The following IL1RAPL1 variants were observed in gnomAD, a reference collection of about 807,000 sequenced individuals.
IL1RAPL1 encodes the protein interleukin-1 receptor accessory protein-like 1.
Under a neutral mutation model 48.4 loss-of-function variants are expected in IL1RAPL1, and 3 were observed. The ratio of observed to expected loss-of-function variants is 0.06; its 90% CI spans 0.03 to 0.16. The LOEUF (loss-of-function observed/expected upper bound fraction) is 0.16. Ranked by LOEUF, IL1RAPL1 falls within the 10% of genes least tolerant of loss-of-function variation. The pLI is 1.00. For synonymous variants in IL1RAPL1, 185 were observed against 187.7 expected (o/e 0.99, Z 0.12); for missense variants, 349 against 530.6 (o/e 0.66, Z 3.36).
At chrX:29,044,008 A>T (rs992523719) in intron 2 of IL1RAPL1, among the ~76,000 whole-genome samples, 10 of 112,118 alleles carry the variant, frequency 8.9e-5, no homozygotes, top group African/African-American at 3.2e-4. Context: ...GGTTATAGCA[A>T]TGCAAGGCTG....
At chrX:29,100,002 A>G (rs1928299683) in intron 2 of IL1RAPL1, among the ~76,000 whole-genome samples, 2 of 110,671 alleles carry the variant, frequency 1.8e-5, no homozygotes, top group East Asian at 5.7e-4. Context: ...TCATGAGGTC[A>G]GGAGATCAAG....
chrX:28,932,387 T>A (rs1923907914), intron 2 of IL1RAPL1, among the ~76,000 whole-genome samples: 1 of 112,019 alleles, frequency 8.9e-6, no homozygotes, highest in African/African-American at 3.2e-5. Context: ...CTCATTATTT[T>A]CTTACAATGT....
intron 3 of IL1RAPL1, among the ~76,000 whole-genome samples, chrX:29,364,579 A>G (rs1018036811): frequency 9.2e-5 from 10 of 108,833 alleles, no homozygotes; most frequent in East Asian, 5.7e-4. Context: ...AAAAAAAAAA[A>G]AAAAGAAAAA....
chrX:28,743,356 T>A (rs913731763), intron 1 of IL1RAPL1, among the ~76,000 whole-genome samples: 1 of 111,969 alleles, frequency 8.9e-6, no homozygotes, highest in Non-Finnish European at 1.9e-5. Context: ...CATGTAATCT[T>A]TAAAATGACT....
intron 2 of IL1RAPL1, among the ~76,000 whole-genome samples, chrX:28,879,666 A>G (rs1922458425): frequency 8.9e-6 from 1 of 112,010 alleles, no homozygotes; most frequent in Non-Finnish European, 1.9e-5. Context: ...TCAGAGAAAA[A>G]AGTCATCTTT....
At chrX:28,944,583 G>T (rs948467280) in intron 2 of IL1RAPL1, among the ~76,000 whole-genome samples, 1 of 110,358 alleles carries the variant, frequency 9.1e-6, no homozygotes, top group Non-Finnish European at 1.9e-5. Context: ...CTTGGATTTT[G>T]TTCTGTTCAC....
At chrX:29,684,476 G>A (rs1426252356) in intron 6 of IL1RAPL1, among the ~76,000 whole-genome samples, 1 of 110,907 alleles carries the variant, frequency 9.0e-6, no homozygotes, top group Non-Finnish European at 1.9e-5. Flanking sequence ...ATTGGGTGGG[G>A]GGATGAAAAT....
intron 6 of IL1RAPL1, among the ~76,000 whole-genome samples, chrX:29,752,388 CAGG>C (rs1322244816): frequency 5.8e-5 from 6 of 103,980 alleles, no homozygotes; most frequent in Non-Finnish European, 1.2e-4. Context: ...CCCAGCTACT[CAGG>C]AGGCTGAGGC....
rs1025694387 is a variant in IL1RAPL1, at chrX:29,529,850, A to G, written c.703+130542A>G. On this transcript the variant is annotated intron_variant, in intron 5 of 10. Coordinates refer to ENST00000378993, the MANE Select transcript of IL1RAPL1 (RefSeq NM_014271.4). The stretch of plus-strand genomic sequence containing the variant: ...AAGGGAAGAGAGAATGATAAAGCAA[A>G]TGTGGCAGAATTTTGAAGATTGGTG... Among the ~76,000 whole-genome samples, 9 of 111,527 alleles carry G rather than the reference A, an allele frequency of 8.1e-5. No homozygotes were observed. In the East Asian group the frequency reaches 2.5e-3, roughly 31 times the overall value.
At chrX:28,784,242 A>G (rs1363761440) in intron 1 of IL1RAPL1, among the ~76,000 whole-genome samples, 3 of 112,065 alleles carry the variant, frequency 2.7e-5, no homozygotes, top group Non-Finnish European at 5.6e-5. Context: ...TCTTGGAAAA[A>G]TACTTTATCC....
At chrX:29,076,367 C>A (rs1352417411) in intron 2 of IL1RAPL1, among the ~76,000 whole-genome samples, 1 of 111,995 alleles carries the variant, frequency 8.9e-6, no homozygotes, top group Non-Finnish European at 1.9e-5. Context: ...TGTATACCTA[C>A]CTCCAAACAG....
intron 3 of IL1RAPL1, among the ~76,000 whole-genome samples, chrX:29,372,514 C>G (rs781262931): frequency 9.0e-6 from 1 of 111,456 alleles, no homozygotes; most frequent in East Asian, 2.8e-4. Flanking sequence ...AGGCTGTTTC[C>G]TAGGTTTTCT....
At chrX:29,682,072 A>G (rs1388102546) in intron 6 of IL1RAPL1, among the ~76,000 whole-genome samples, 1 of 111,980 alleles carries the variant, frequency 8.9e-6, no homozygotes, top group Non-Finnish European at 1.9e-5. Context: ...TAGTATGTAC[A>G]ATTATTGCGT....
chrX:28,683,197 G>A (rs1935080139), intron 1 of IL1RAPL1, among the ~76,000 whole-genome samples: 1 of 111,349 alleles, frequency 9.0e-6, no homozygotes, highest in Non-Finnish European at 1.9e-5. Context: ...ATTAGAGTGG[G>A]CAAGAGAAGT....
intron 3 of IL1RAPL1, among the ~76,000 whole-genome samples, chrX:29,331,827 A>G (rs1031531609): frequency 9.0e-6 from 1 of 111,568 alleles, no homozygotes; most frequent in Non-Finnish European, 1.9e-5. Context: ...GTGTTATTAG[A>G]TTTTTGACTT....
intron 5 of IL1RAPL1, among the ~76,000 whole-genome samples, chrX:29,425,507 A>T (rs775856656): frequency 2.1e-4 from 23 of 111,722 alleles, no homozygotes; most frequent in Non-Finnish European, 3.4e-4. Context: ...ATCTCTGTCA[A>T]TGAGACTATC....
intron 5 of IL1RAPL1, among the ~76,000 whole-genome samples, chrX:29,526,173 T>C (rs1313020137): frequency 8.9e-6 from 1 of 112,017 alleles, no homozygotes; most frequent in Non-Finnish European, 1.9e-5. Flanking sequence ...TAGGAGTCCG[T>C]TGAACTCTGT....
intron 2 of IL1RAPL1, among the ~76,000 whole-genome samples, chrX:29,149,211 A>G (rs1432455184): frequency 9.0e-6 from 1 of 110,814 alleles, no homozygotes; most frequent in East Asian, 2.8e-4. Flanking sequence ...GCTTTATTAC[A>G]TCAGCTACAT....
chrX:29,476,120 A>C (rs1402348159), intron 5 of IL1RAPL1, among the ~76,000 whole-genome samples: 1 of 111,387 alleles, frequency 9.0e-6, no homozygotes, highest in Non-Finnish European at 1.9e-5. Context: ...GTCATTACCT[A>C]ATCTGGATGG....
Sources: allele counts gnomAD v4.1 joint callset (sites outside exome capture counted in the v4.1 genomes callset), GRCh38; gene constraint gnomAD v4.1.1; transcripts MANE v1.5; gene names NCBI Gene and HGNC (gene_info 2026-07-23, HGNC 2026-07-21).